The following CEP83 variants were observed in gnomAD, a reference collection of about 807,000 sequenced individuals.
The protein encoded by CEP83 is centrosomal protein 83, also known as centrosomal protein of 83 kDa.
CEP83 carries 70 observed loss-of-function variants against 101.9 expected under a neutral mutation model. The ratio of observed to expected loss-of-function variants is 0.69; its 90% CI spans 0.57 to 0.84. The LOEUF is 0.84. Among genes scored for constraint, CEP83 ranks in the 40% least tolerant of loss-of-function variants. The pLI is 0.00. For missense variants in CEP83, 715 were observed against 787.2 expected (o/e 0.91, Z 1.10); for synonymous variants, 264 against 267.9 (o/e 0.99, Z 0.14).
At chr12:94,396,461 T>C (rs939839613) in intron 6 of CEP83, among the ~76,000 whole-genome samples, 2 of 151,738 alleles carry the variant, frequency 1.3e-5, no homozygotes, top group African/African-American at 2.4e-5. Flanking sequence ...GCTAATTTTT[T>C]GTATTTTTAG....
the CEP83 span, chr12:94,297,254 C>T: frequency 3.2e-5 from 51 of 1,613,620 alleles, no homozygotes; most frequent in Non-Finnish European, 4.2e-5. Flanking sequence ...CACCACTGAA[C>T]TGCATGCCTT....
the CEP83 span, among the ~76,000 whole-genome samples, chr12:94,266,649 C>T: frequency 6.6e-6 from 1 of 152,192 alleles, no homozygotes; most frequent in Admixed American, 6.5e-5. Flanking sequence ...CCTGCCTCTG[C>T]CACTGGTTAG....
intron 1 of CEP83, among the ~76,000 whole-genome samples, chr12:94,437,213 G>T (rs1184130167): frequency 6.6e-6 from 1 of 152,058 alleles, no homozygotes; most frequent in Non-Finnish European, 1.5e-5. Context: ...AGGCATGGTG[G>T]TGTGGGCCTG....
rs138006302 is a variant in CEP83 at position 94,347,486 on chromosome 12, G to A, written c.1344-11822C>T. ...AAACTTCTCAAGTGTTTCCACATTG[G>A]AAAACAGTATTTCTGTATGTTATAA... On this transcript the variant is annotated intron_variant, in intron 11 of 16. Coordinates refer to ENST00000397809, the MANE Select transcript of CEP83 (RefSeq NM_016122.3). Among the ~76,000 whole-genome samples, 170 of 152,232 alleles carry A rather than the reference G, an allele frequency of 1.1e-3. 4 individuals are homozygous for A. In the East Asian group the frequency reaches 0.028, roughly 25 times the overall value.
At chr12:94,344,575 T>C (rs148555868) in intron 11 of CEP83, among the ~76,000 whole-genome samples, 1 of 151,936 alleles carries the variant, frequency 6.6e-6, no homozygotes, top group African/African-American at 2.4e-5. Flanking sequence ...AATTAAGAAG[T>C]CAAATGAACT....
In CEP83 at chr12:94,411,866, A is replaced by C; in HGVS notation, c.174-19T>G. ...CTGCAACCTGGTTTTTTTTAAAGAG[A>C]ATTCAATTTTGAGTAAATCCTTTCT... On this transcript the variant is annotated intron_variant, in intron 3 of 16. Transcript: ENST00000397809. The C allele has an allele frequency of 1.3e-6, 2 of 1,595,976 alleles. No individual in the cohort carries two copies. The highest frequency in any genetic ancestry group is 1.7e-6 in the Non-Finnish European group (2 of 1,169,166).
chr12:94,421,560 T>C (rs1166969399), intron 2 of CEP83, among the ~76,000 whole-genome samples: 2 of 152,212 alleles, frequency 1.3e-5, no homozygotes, highest in African/African-American at 4.8e-5. Context: ...TTCTCCTTTA[T>C]TCATGTGCTT....
intron 1 of CEP83, among the ~76,000 whole-genome samples, chr12:94,443,249 A>AGG (rs1374273743): frequency 1.3e-5 from 2 of 152,136 alleles, no homozygotes; most frequent in African/African-American, 2.4e-5. Flanking sequence ...ACAGACCCTC[A>AGG]AACACATTTC....
At chr12:94,416,798 G>A (rs950557136) in intron 2 of CEP83, among the ~76,000 whole-genome samples, 8 of 151,938 alleles carry the variant, frequency 5.3e-5, no homozygotes, top group African/African-American at 1.9e-4. Flanking sequence ...CCCCCACCAA[G>A]AGTAACAAAG....
intron 2 of CEP83, among the ~76,000 whole-genome samples, chr12:94,431,417 G>A (rs2065614305): frequency 1.3e-5 from 2 of 151,916 alleles, no homozygotes; most frequent in African/African-American, 4.8e-5. Context: ...CAAAAGCACA[G>A]AAAACAAGAA....
chr12:94,326,460 G>A (rs762634810), intron 14 of CEP83, among the ~76,000 whole-genome samples: 15 of 152,240 alleles, frequency 9.9e-5, no homozygotes, highest in South Asian at 2.1e-4. Context: ...GGACTGAGCC[G>A]TTTAACTTGT....
chr12:94,277,356 G>C, the CEP83 span, among the ~76,000 whole-genome samples: 1 of 152,072 alleles, frequency 6.6e-6, no homozygotes, highest in Non-Finnish European at 1.5e-5. Flanking sequence ...TGGAGTTAGG[G>C]GGACATCAAT....
intron 11 of CEP83, among the ~76,000 whole-genome samples, chr12:94,341,838 C>T (rs946155402): frequency 2.6e-5 from 4 of 152,156 alleles, no homozygotes; most frequent in African/African-American, 9.7e-5. Flanking sequence ...GAATGCTGAA[C>T]ATTTTATCAC....
chr12:94,426,121 C>CAA (rs202127826), intron 2 of CEP83, among the ~76,000 whole-genome samples: 2 of 121,138 alleles, frequency 1.7e-5, no homozygotes, highest in African/African-American at 3.2e-5. Flanking sequence ...AACTCCGTCT[C>CAA]AAAAAAAAAA....
chr12:94,417,321 A>T (rs1257088128), intron 2 of CEP83, among the ~76,000 whole-genome samples: 1 of 152,054 alleles, frequency 6.6e-6, no homozygotes, highest in Non-Finnish European at 1.5e-5. Context: ...CACCTCTTAA[A>T]AAAAAACAAA....
intron 14 of CEP83, among the ~76,000 whole-genome samples, chr12:94,322,149 C>T (rs1024615993): frequency 1.3e-5 from 2 of 152,006 alleles, no homozygotes; most frequent in Non-Finnish European, 2.9e-5. Context: ...ATCAGGGACC[C>T]ACATACAAAA....
chr12:94,349,693 C>T (rs2060113882), intron 11 of CEP83, among the ~76,000 whole-genome samples: 1 of 152,150 alleles, frequency 6.6e-6, no homozygotes, highest in Admixed American at 6.5e-5. Flanking sequence ...GAAATGTTTT[C>T]CTTTAAGATC....
chr12:94,329,430 T>G (rs1412390036), intron 14 of CEP83, among the ~76,000 whole-genome samples: 1 of 152,026 alleles, frequency 6.6e-6, no homozygotes, highest in Non-Finnish European at 1.5e-5. Flanking sequence ...CCATGCACAG[T>G]TTTTTCATGT....
In CEP83 at chr12:94,310,007, T is replaced by C. The variant is rs1330424793; in HGVS notation, c.1912A>G (p.Met638Val). Residue 638 changes from methionine to valine, a missense_variant, in exon 16 of 17, where the codon ATG becomes GTG. Transcript: ENST00000397809. ...GGATTGATAGATGCTGTTGGAGGCA[T>C]GTTAGGAACCAAAATTAGACTTCGA... ...EFRSLILVPN[M>V]PPTASINPVS... 1.9e-6 allele frequency: 3 copies of C among 1,612,532 alleles called. No individual in the cohort carries two copies. The highest frequency in any genetic ancestry group is 2.2e-5 in the South Asian group (2 of 90,998).
Sources: allele counts gnomAD v4.1 joint callset (sites outside exome capture counted in the v4.1 genomes callset), GRCh38; gene constraint gnomAD v4.1.1; transcripts MANE v1.5; gene names NCBI Gene and HGNC (gene_info 2026-07-23, HGNC 2026-07-21).